The following CROT variants were observed in gnomAD, a reference collection of about 807,000 sequenced individuals.
CROT encodes the protein carnitine O-octanoyltransferase.
A neutral mutation model predicts 89.2 loss-of-function variants in CROT; 84 were observed. The observed-to-expected ratio is 0.94, with a 90% confidence interval of 0.79 to 1.13. CROT has a LOEUF of 1.13. Among genes scored for constraint, CROT ranks in the 50% most tolerant of loss-of-function variants. CROT has a pLI of 0.00. For missense variants in CROT, 711 were observed against 727.8 expected (o/e 0.98, Z 0.27); for synonymous variants, 212 against 239.5 (o/e 0.89, Z 1.06).
At chr7:87,397,350 C>CAAAA (rs11429478) in intron 17 of CROT, among the ~76,000 whole-genome samples, 2 of 146,202 alleles carry the variant, frequency 1.4e-5, no homozygotes, top group South Asian at 2.2e-4. Flanking sequence ...GACTCTTTCT[C>CAAAA]AAAAAAAAAA....
intron 14 of CROT, among the ~76,000 whole-genome samples, 171 bp downstream of exon 14, chr7:87,391,883 A>G (rs1006495236): frequency 1.3e-5 from 2 of 152,192 alleles, no homozygotes; most frequent in Non-Finnish European, 2.9e-5. Flanking sequence ...TGAAATGTGT[A>G]ATTGGAAACA....
At chr7:87,357,810 A>G (rs1020552509) in intron 3 of CROT, among the ~76,000 whole-genome samples, 2 of 152,222 alleles carry the variant, frequency 1.3e-5, no homozygotes, top group African/African-American at 2.4e-5. Flanking sequence ...AAATAAAACT[A>G]TCCTTGACAT....
intron 3 of CROT, among the ~76,000 whole-genome samples, chr7:87,357,962 T>G (rs1806137388): frequency 6.6e-6 from 1 of 152,166 alleles, no homozygotes; most frequent in South Asian, 2.1e-4. Context: ...ACTGTAAATA[T>G]CTTCTTAATG....
chr7:87,362,730 T>G (rs890338985), intron 6 of CROT, among the ~76,000 whole-genome samples: 5 of 133,472 alleles, frequency 3.7e-5, no homozygotes, highest in Admixed American at 1.4e-4. Flanking sequence ...GTGGTAACTG[T>G]TTTTTTCACA....
At chr7:87,379,197 C>T (rs1806912280) in intron 10 of CROT, among the ~76,000 whole-genome samples, 1 of 152,278 alleles carries the variant, frequency 6.6e-6, no homozygotes, top group African/African-American at 2.4e-5. Context: ...CCTCTGCATA[C>T]ATATTTTGAC....
At chr7:87,391,315 C>T (rs1033284615) in intron 13 of CROT, among the ~76,000 whole-genome samples, 1 of 152,304 alleles carries the variant, frequency 6.6e-6, no homozygotes, top group Admixed American at 6.5e-5. Flanking sequence ...TACAGCAGAG[C>T]ATAAATAGCA....
At chr7:87,390,175 A>G (rs1232669243) in intron 13 of CROT, among the ~76,000 whole-genome samples, 3 of 152,162 alleles carry the variant, frequency 2.0e-5, no homozygotes, top group Non-Finnish European at 4.4e-5. Context: ...GATAATATGC[A>G]TCAGTTCCTA....
chr7:87,367,210 G>C (rs923289412), intron 6 of CROT, among the ~76,000 whole-genome samples: 2 of 152,154 alleles, frequency 1.3e-5, no homozygotes, highest in Non-Finnish European at 2.9e-5. Flanking sequence ...TAATCACAAG[G>C]GTCCTTATTC....
At chr7:87,385,554 T>G (rs901354062) in intron 13 of CROT, among the ~76,000 whole-genome samples, 1 of 152,206 alleles carries the variant, frequency 6.6e-6, no homozygotes, top group African/African-American at 2.4e-5. Context: ...TCTTGCAACT[T>G]TACTGAATTT....
At position 87,372,825 on chromosome 7, in the gene CROT, A is replaced by G. The variant is rs112131523; in HGVS notation, c.657-2807A>G. On this transcript the variant is annotated intron_variant, in intron 7 of 17. Transcript: ENST00000331536. ...TGCTGAATAACATTCTATTTTACAG[A>G]TATGCCACATTTTATTAACTATTCA... Among the ~76,000 whole-genome samples, 1,224 of 152,186 alleles carry G rather than the reference A, an allele frequency of 8.0e-3. 25 individuals carry two copies. Among genetic ancestry groups the G allele is most frequent in the African/African-American group, 0.028 (1,160 of 41,526 alleles).
At chr7:87,366,325 C>T (rs1437079813) in intron 6 of CROT, among the ~76,000 whole-genome samples, 1 of 151,686 alleles carries the variant, frequency 6.6e-6, no homozygotes, top group Non-Finnish European at 1.5e-5. Context: ...TTTCTGTTTT[C>T]CCTTCGTCCT....
intron 4 of CROT, chr7:87,359,807 G>T: frequency 1.0e-6 from 1 of 983,140 alleles, no homozygotes; most frequent in Non-Finnish European, 1.2e-6. Context: ...ATAAATTGAG[G>T]AAGCTAGTAT....
At chr7:87,352,482 T>C (rs1296393717) in intron 3 of CROT, among the ~76,000 whole-genome samples, 1 of 152,224 alleles carries the variant, frequency 6.6e-6, no homozygotes, top group Non-Finnish European at 1.5e-5. Flanking sequence ...AAAAGCCAAA[T>C]GGGACGGTTA....
intron 7 of CROT, among the ~76,000 whole-genome samples, chr7:87,374,676 T>C (rs796418227): frequency 2.0e-5 from 3 of 152,132 alleles, no homozygotes; most frequent in African/African-American, 7.2e-5. Flanking sequence ...CACCATTAAT[T>C]TGCAAATAAC....
chr7:87,392,429 G>C (rs540492006), intron 14 of CROT, 137 bp from the exon 15 acceptor site: 5 of 686,234 alleles, frequency 7.3e-6, no homozygotes, highest in Non-Finnish European at 1.3e-5. Flanking sequence ...AAAGATATAG[G>C]AGTATGTGTT....
intron 7 of CROT, 144 bp downstream of exon 7, chr7:87,369,628 G>T: frequency 5.6e-6 from 2 of 357,070 alleles, no homozygotes; most frequent in Admixed American, 4.3e-5. Flanking sequence ...AAATCTATTT[G>T]TATTTTTTAT....
intron 6 of CROT, among the ~76,000 whole-genome samples, chr7:87,365,207 G>T (rs967146502): frequency 6.6e-6 from 1 of 152,082 alleles, no homozygotes; most frequent in Non-Finnish European, 1.5e-5. Context: ...GTGAAAATTG[G>T]GCCAGGCCTG....
In CROT at chr7:87,354,250, T is replaced by C. The variant is rs74495592; in HGVS notation, c.116-4956T>C. On this transcript the variant is annotated intron_variant, in intron 3 of 17. Coordinates refer to ENST00000331536, the MANE Select transcript of CROT (RefSeq NM_021151.4). ...AGTTTTGGCAACCAAAAAAACCTAA[T>C]AAAGACAGCATAGGAATTATACAAT... 3.5e-3 allele frequency: 1,349 copies of C among 386,776 alleles called. 13 individuals carry two copies. Among genetic ancestry groups the C allele is most frequent in the African/African-American group, 0.025 (1,192 of 47,438 alleles). The allele number at this position is 386,776 out of a possible 1,614,324, so 24.0% of individuals were successfully genotyped here.
intron 7 of CROT, among the ~76,000 whole-genome samples, chr7:87,373,403 T>C (rs916811828): frequency 6.6e-6 from 1 of 152,126 alleles, no homozygotes; most frequent in Non-Finnish European, 1.5e-5. Flanking sequence ...CCTCTTTTGA[T>C]GCACAATATT....
Sources: allele counts gnomAD v4.1 joint callset (sites outside exome capture counted in the v4.1 genomes callset), GRCh38; gene constraint gnomAD v4.1.1; transcripts MANE v1.5; gene names NCBI Gene and HGNC (gene_info 2026-07-23, HGNC 2026-07-21).